SCML4: variants seen among roughly 807,000 people sequenced by gnomAD.
The protein encoded by SCML4 is sex comb on midleg-like protein 4.
Under a neutral mutation model 41.1 loss-of-function variants are expected in SCML4, and 34 were observed. That is an observed-to-expected ratio of 0.83 (90% confidence interval 0.63 to 1.10). The LOEUF (loss-of-function observed/expected upper bound fraction) is 1.10. Among genes scored for constraint, SCML4 ranks in the 50% least tolerant of loss-of-function variants. The probability of loss-of-function intolerance (pLI) is 0.00; values close to 1 mark genes in which losing one functional copy is unlikely to be tolerated. For synonymous variants in SCML4, 214 were observed against 220.9 expected (o/e 0.97, Z 0.28); for missense variants, 522 against 534.1 (o/e 0.98, Z 0.22).
At position 107,704,227 on chromosome 6, in the gene SCML4, T is replaced by G. The variant is rs1169542884; in HGVS notation, c.*973A>C. On this transcript the variant is annotated 3_prime_UTR_variant, in exon 8 of 8. Transcript: ENST00000369020. ...TCAAAGCTTCGTTGAGACATTTTCT[T>G]TTCCTTTTTTAAAGAAACACCCATG... 1 of 152,224 alleles carries G rather than the reference T, an allele frequency of 6.6e-6. No homozygotes were observed. The highest frequency in any genetic ancestry group is 1.5e-5 in the Non-Finnish European group (1 of 68,040). The allele number at this position is 152,224 out of a possible 1,614,324, so 9.4% of individuals were successfully genotyped here.
chr6:107,833,387 G>A, the SCML4 span, among the ~76,000 whole-genome samples: 4,686 of 152,212 alleles, frequency 0.031, 108 homozygotes, highest in Middle Eastern at 0.099. Context: ...CGTTCTCTCC[G>A]CTTGAACCCT....
intron 1 of SCML4, among the ~76,000 whole-genome samples, chr6:107,786,997 A>T (rs6920062): frequency 0.18 from 27,085 of 152,152 alleles, 2,970 homozygotes; most frequent in South Asian, 0.27. Context: ...ACATGAGATC[A>T]CCCATTAGTG....
In SCML4 at chr6:107,738,636, G is replaced by A. The variant is rs547856645; in HGVS notation, c.682+6313C>T. Among the ~76,000 whole-genome samples, 48 of 152,038 alleles carry A rather than the reference G, an allele frequency of 3.2e-4. 1 individual carries two copies. Among genetic ancestry groups the A allele is most frequent in the East Asian group, 7.8e-4 (4 of 5,158 alleles). On this transcript the variant is annotated intron_variant, in intron 5 of 7. Transcript: ENST00000369020. ...AGTCCATCTTGAAAAAAAAAGGATC[G>A]AGAGTTTATATTTCAAAAGTCTGAG...
At chr6:107,787,459 A>G (rs1264985896) in intron 1 of SCML4, among the ~76,000 whole-genome samples, 1 of 152,188 alleles carries the variant, frequency 6.6e-6, no homozygotes, top group African/African-American at 2.4e-5. Flanking sequence ...GCAGCTACAC[A>G]CACACATATA....
chr6:107,802,663 C>CCCT (rs1199044283), intron 1 of SCML4, among the ~76,000 whole-genome samples: 1 of 37,438 alleles, frequency 2.7e-5, no homozygotes, highest in Non-Finnish European at 7.2e-5. Flanking sequence ...CTCCTCCTCT[C>CCCT]CCTCTCCCTC....
At chr6:107,738,450 C>T (rs1777284419) in intron 5 of SCML4, among the ~76,000 whole-genome samples, 2 of 151,588 alleles carry the variant, frequency 1.3e-5, no homozygotes, top group South Asian at 2.1e-4. Context: ...GTCAAAATCC[C>T]GTCTCTATAA....
intron 2 of SCML4, among the ~76,000 whole-genome samples, chr6:107,755,169 TTA>T (rs1419874359): frequency 6.6e-6 from 1 of 152,050 alleles, no homozygotes; most frequent in East Asian, 1.9e-4. Context: ...AGTAATGGAA[TTA>T]TAATTGGCTG....
intron 5 of SCML4, chr6:107,740,237 T>G (rs1191499993): frequency 6.6e-6 from 3 of 454,902 alleles, no homozygotes; most frequent in Admixed American, 2.5e-5. Flanking sequence ...TATACCACAA[T>G]AAAGTGTGAG....
intron 6 of SCML4, among the ~76,000 whole-genome samples, chr6:107,717,090 G>C (rs949721089): frequency 6.9e-6 from 1 of 145,658 alleles, no homozygotes; most frequent in Non-Finnish European, 1.5e-5. Flanking sequence ...ACGAGGTCAG[G>C]AGATCGAGAC....
Position 107,772,228 on chromosome 6 carries a change from C to T in SCML4, c.100G>A (p.Gly34Ser), listed in dbSNP as rs1313660991. The T allele has an allele frequency of 6.4e-7, 1 of 1,551,622 alleles. No homozygotes were observed. The highest frequency in any genetic ancestry group is 8.7e-7 in the Non-Finnish European group (1 of 1,146,988). ...AVHNLYSASA[G>S]SLPAVKIPKK... Reference sequence around the variant, plus strand: ...GGGATCTTCACTGCTGGTAAAGAGCCAGCTGAAGCAGAATAAAGGTTATGA... The same window carrying T: ...GGGATCTTCACTGCTGGTAAAGAGCTAGCTGAAGCAGAATAAAGGTTATGA... Residue 34 changes from glycine to serine, a missense_variant, in exon 2 of 8, where the codon GGC (glycine) becomes AGC (serine). Gly to Ser is a moderately conservative substitution (Grantham distance 56, BLOSUM62 0). Coordinates refer to ENST00000369020, the MANE Select transcript of SCML4 (RefSeq NM_198081.5).
chr6:107,828,181 G>C (rs565294025), upstream of SCML4, among the ~76,000 whole-genome samples: 1 of 152,302 alleles, frequency 6.6e-6, no homozygotes, highest in South Asian at 2.1e-4. Flanking sequence ...ACACAGGTCT[G>C]ACCCAGGCAG....
chr6:107,811,433 C>G (rs1784151241), intron 1 of SCML4, among the ~76,000 whole-genome samples: 1 of 152,222 alleles, frequency 6.6e-6, no homozygotes, highest in African/African-American at 2.4e-5. Flanking sequence ...CCCTACTCCT[C>G]TCTCCAGCCC....
At chr6:107,720,650 G>A (rs188486365) in intron 6 of SCML4, 53 bp downstream of exon 6, 7 of 1,464,440 alleles carry the variant, frequency 4.8e-6, no homozygotes, top group Non-Finnish European at 4.5e-6. Flanking sequence ...TGCTCCCCGC[G>A]CAAGGGCAAG....
chr6:107,777,452 T>C (rs1258220652), intron 1 of SCML4, among the ~76,000 whole-genome samples: 2 of 151,940 alleles, frequency 1.3e-5, no homozygotes, highest in Admixed American at 6.6e-5. Context: ...ATTAGAAAAA[T>C]AGGATAAAGA....
At chr6:107,841,610 C>T in the SCML4 span, among the ~76,000 whole-genome samples, 5 of 152,128 alleles carry the variant, frequency 3.3e-5, no homozygotes, top group Non-Finnish European at 1.5e-5. Flanking sequence ...AAATGGGGAT[C>T]AAAATAGATT....
At chr6:107,805,859 G>A (rs999504319) in intron 1 of SCML4, among the ~76,000 whole-genome samples, 9 of 152,152 alleles carry the variant, frequency 5.9e-5, no homozygotes, top group Admixed American at 3.3e-4. Flanking sequence ...TAAGAACAAT[G>A]ACATTGAAAT....
At chr6:107,830,922 C>T in the SCML4 span, among the ~76,000 whole-genome samples, 10 of 152,090 alleles carry the variant, frequency 6.6e-5, no homozygotes, top group African/African-American at 2.2e-4. Context: ...TACAATATTT[C>T]CCCCAAGTTA....
In SCML4 at chr6:107,820,007, C is replaced by T. The variant is rs544826358; in HGVS notation, c.-60+4119G>A. On this transcript the variant is annotated intron_variant, in intron 1 of 7. Transcript: ENST00000369020. ...GAAGTAAGAGGTGTTTTATCTCCTC[C>T]GCGGCAGCAAAGGGCTTCTCCTGAT... Among the ~76,000 whole-genome samples, 6 of 152,310 alleles carry T rather than the reference C, an allele frequency of 3.9e-5. No individual in the cohort carries two copies. In the South Asian group the frequency reaches 6.2e-4, roughly 16 times the overall value.
upstream of SCML4, among the ~76,000 whole-genome samples, chr6:107,826,239 C>T (rs1296270433): frequency 3.0e-5 from 4 of 134,436 alleles, no homozygotes; most frequent in South Asian, 2.4e-4. Flanking sequence ...AGTGAAATTC[C>T]ATCTCAAAAA....
Sources: gnomAD v4.1 joint callset for allele counts (sites outside exome capture counted in the v4.1 genomes callset) on GRCh38, gnomAD v4.1.1 for gene constraint, MANE v1.5 for transcripts, NCBI Gene and HGNC (gene_info 2026-07-23, HGNC 2026-07-21) for gene names.